STXBP4: variants seen among roughly 807,000 people sequenced by gnomAD.
STXBP4 encodes the protein syntaxin-binding protein 4.
STXBP4 carries 55 observed loss-of-function variants against 76.1 expected under a neutral mutation model. The ratio of observed to expected loss-of-function variants is 0.72; its 90% CI spans 0.58 to 0.91. The LOEUF (loss-of-function observed/expected upper bound fraction) is 0.91, where lower values mean the gene tolerates loss of function less well. STXBP4 is among the 40% of genes least tolerant of loss of function. The pLI is 0.00. For synonymous variants in STXBP4, 201 were observed against 220.2 expected (o/e 0.91, Z 0.77); for missense variants, 618 against 636.9 (o/e 0.97, Z 0.32).
At chr17:54,998,066 A>G (rs4794551) in intron 4 of STXBP4, among the ~76,000 whole-genome samples, 103,368 of 151,854 alleles carry the variant, frequency 0.68, 35,311 homozygotes, top group South Asian at 0.78. Flanking sequence ...GTTTTCCTAT[A>G]TATTCTTTAG....
At chr17:55,026,688 T>C (rs370412957) in intron 8 of STXBP4, among the ~76,000 whole-genome samples, 1 of 152,154 alleles carries the variant, frequency 6.6e-6, no homozygotes, top group South Asian at 2.1e-4. Context: ...ATTTGCAGTC[T>C]ATGGACCGAA....
Position 55,159,890 on chromosome 17 carries a change from A to T in STXBP4, c.1641A>T (p.Glu547Asp). The change falls in exon 18 of 18, where the codon GAA becomes GAT. Residue 547 changes from glutamate to aspartate, a missense_variant. Physicochemically the swap from Glu to Asp is conservative, Grantham distance 45 (BLOSUM62 2). Transcript: ENST00000376352. The part of the protein sequence containing the change: ...SEENEEDCSR[E>D]LPNQKS Reference sequence around the variant, plus strand: ...AGAATGAAGAGGATTGCTCTAGAGAACTCCCCAACCAGAAAAGTTGATGGT... The same window carrying T: ...AGAATGAAGAGGATTGCTCTAGAGATCTCCCCAACCAGAAAAGTTGATGGT... 1 of 1,612,814 alleles carries T rather than the reference A, an allele frequency of 6.2e-7. No individual in the cohort carries two copies. The highest frequency in any genetic ancestry group is 8.5e-7 in the Non-Finnish European group (1 of 1,179,122).
At chr17:55,034,975 T>A (rs2078573236) in intron 10 of STXBP4, among the ~76,000 whole-genome samples, 1 of 152,064 alleles carries the variant, frequency 6.6e-6, no homozygotes, top group Non-Finnish European at 1.5e-5. Context: ...TCCTTCTTAA[T>A]TTATGTTCTA....
intron 1 of STXBP4, among the ~76,000 whole-genome samples, chr17:54,974,323 A>G (rs1276657240): frequency 6.6e-6 from 1 of 152,266 alleles, no homozygotes; most frequent in African/African-American, 2.4e-5. Context: ...AAGAAAAGGC[A>G]GGGTAATCAT....
chr17:55,202,264 C>CAT, the STXBP4 span, among the ~76,000 whole-genome samples: 2 of 152,090 alleles, frequency 1.3e-5, no homozygotes, highest in South Asian at 2.1e-4. Context: ...ACACCTGATT[C>CAT]ATATATATAT....
At chr17:55,123,217 T>G (rs929893958) in intron 16 of STXBP4, among the ~76,000 whole-genome samples, 17 of 152,040 alleles carry the variant, frequency 1.1e-4, no homozygotes, top group African/African-American at 4.1e-4. Context: ...ATAGCAGCTT[T>G]TGTGTGTGTG....
At chr17:55,152,535 G>A (rs1159556077) in intron 17 of STXBP4, among the ~76,000 whole-genome samples, 1 of 152,172 alleles carries the variant, frequency 6.6e-6, no homozygotes, top group Non-Finnish European at 1.5e-5. Context: ...CGTGGCTGGG[G>A]AGGCCTCCCG....
At chr17:55,106,074 T>G (rs1054220774) in intron 16 of STXBP4, among the ~76,000 whole-genome samples, 7 of 152,092 alleles carry the variant, frequency 4.6e-5, no homozygotes, top group Non-Finnish European at 7.4e-5. Flanking sequence ...TCTCCCACTG[T>G]TATTGTGTGG....
At chr17:55,060,025 T>C (rs942973074) in intron 12 of STXBP4, among the ~76,000 whole-genome samples, 2 of 152,086 alleles carry the variant, frequency 1.3e-5, no homozygotes. Context: ...AGAGTAGTAC[T>C]TAGTATATAG....
the STXBP4 span, among the ~76,000 whole-genome samples, chr17:55,185,189 TTTCTTCTTCTTCTTC>T: frequency 2.2e-3 from 191 of 87,724 alleles, 6 homozygotes; most frequent in East Asian, 0.017. Flanking sequence ...TCTTCTTCTT[TTTCTTCTTCTTCTTC>T]TTCTTCTTCT....
intron 1 of STXBP4, among the ~76,000 whole-genome samples, chr17:54,978,847 A>T (rs961054003): frequency 2.0e-5 from 3 of 152,190 alleles, no homozygotes; most frequent in African/African-American, 4.8e-5. Context: ...TAATAAATGT[A>T]ATTTTAAAAG....
At chr17:55,032,069 A>G (rs2078518522) in intron 9 of STXBP4, among the ~76,000 whole-genome samples, 1 of 152,140 alleles carries the variant, frequency 6.6e-6, no homozygotes. Flanking sequence ...CTCACAAATG[A>G]TTTGGACTTT....
intron 16 of STXBP4, among the ~76,000 whole-genome samples, chr17:55,095,809 C>T (rs1014121020): frequency 2.0e-5 from 3 of 152,068 alleles, no homozygotes; most frequent in African/African-American, 7.2e-5. Flanking sequence ...TTACTTAAGT[C>T]ACAAGTTTGG....
chr17:55,095,448 G>A (rs2079472869), intron 16 of STXBP4, among the ~76,000 whole-genome samples: 1 of 152,148 alleles, frequency 6.6e-6, no homozygotes, highest in Non-Finnish European at 1.5e-5. Flanking sequence ...TAGTGGAATA[G>A]GTATTTTCCA....
At chr17:55,018,361 G>A (rs2078246364) in intron 8 of STXBP4, among the ~76,000 whole-genome samples, 1 of 152,216 alleles carries the variant, frequency 6.6e-6, no homozygotes, top group South Asian at 2.1e-4. Context: ...TGCGATGGCA[G>A]CAAACAGCAG....
intron 16 of STXBP4, among the ~76,000 whole-genome samples, chr17:55,084,343 G>A (rs1169856286): frequency 2.6e-5 from 4 of 152,084 alleles, no homozygotes; most frequent in African/African-American, 7.2e-5. Flanking sequence ...CTTTTTTCTT[G>A]TAAATTTGTT....
At chr17:55,211,985 ATT>A in the STXBP4 span, among the ~76,000 whole-genome samples, 9 of 130,322 alleles carry the variant, frequency 6.9e-5, no homozygotes, top group African/African-American at 5.6e-5. Flanking sequence ...TAATTTTTGT[ATT>A]TTTTTTTTTT....
Position 55,049,448 on chromosome 17 carries a change from A to G in STXBP4, c.1011+2294A>G, listed in dbSNP as rs562827726. 2.6e-5 allele frequency among the ~76,000 whole-genome samples: 4 copies of G among 152,146 alleles called. No individual in the cohort carries two copies. In the South Asian group the frequency reaches 8.3e-4, roughly 32 times the overall value. ...TTTTAATGGGAGGATAAGAAAGAAA[A>G]AAGAGGAAAACAGAATACATCATTT... On this transcript the variant is annotated intron_variant, in intron 12 of 17. Transcript: ENST00000376352.
chr17:55,034,750 G>A (rs2078569013), intron 10 of STXBP4, among the ~76,000 whole-genome samples: 1 of 151,914 alleles, frequency 6.6e-6, no homozygotes, highest in Non-Finnish European at 1.5e-5. Flanking sequence ...TTGATTGCTA[G>A]TAACACCCCT....
Sources: gnomAD v4.1 joint callset for allele counts (sites outside exome capture counted in the v4.1 genomes callset) on GRCh38, gnomAD v4.1.1 for gene constraint, MANE v1.5 for transcripts, NCBI Gene and HGNC (gene_info 2026-07-23, HGNC 2026-07-21) for gene names.